The following DIS3L variants were observed in gnomAD, a reference collection of about 807,000 sequenced individuals.
DIS3L encodes DIS3 like exosome 3'-5' exoribonuclease.
A neutral mutation model predicts 120.3 loss-of-function variants in DIS3L; 100 were observed. The ratio of observed to expected loss-of-function variants is 0.83; its 90% CI spans 0.71 to 0.98. DIS3L has a LOEUF of 0.98. Ranked by LOEUF, DIS3L falls within the 50% of genes least tolerant of loss-of-function variation. The pLI, the probability that DIS3L is intolerant of heterozygous loss-of-function variation, is 0.00. For missense variants in DIS3L, 1,196 were observed against 1,314.2 expected (o/e 0.91, Z 1.39); for synonymous variants, 426 against 470.6 (o/e 0.91, Z 1.23).
In DIS3L at chr15:66,306,860, G is replaced by A. The variant is rs78547934; in HGVS notation, c.330G>A (p.Ala110=). 5.0e-6 allele frequency: 8 copies of A among 1,613,978 alleles called. No individual in the cohort carries two copies. The highest frequency in any genetic ancestry group is 4.5e-5 in the East Asian group (2 of 44,898). ...YNKLRNLLKD[A]RHDCILFANE... Reference sequence around the variant, plus strand: ...AACTGCGAAACCTGCTGAAGGATGCGCGTCATGATTGCATTCTCTTTGCTA... The same window carrying A: ...AACTGCGAAACCTGCTGAAGGATGCACGTCATGATTGCATTCTCTTTGCTA... The change falls in exon 3 of 17, where the codon GCG becomes GCA. Residue 110 remains alanine, a synonymous_variant. Coordinates refer to ENST00000319212, the MANE Select transcript of DIS3L (RefSeq NM_001143688.3).
At position 66,322,887 on chromosome 15, in the gene DIS3L, A is replaced by G; in HGVS notation, c.1527A>G (p.Thr509=). 6.2e-7 allele frequency: 1 copy of G among 1,614,184 alleles called. No homozygotes were observed. The highest frequency in any genetic ancestry group is 2.2e-5 in the East Asian group (1 of 44,882). Reference sequence around the variant, plus strand: ...TTGGGGTCCACATCGCAGATGTAACACACTTTGTGGCACCAAATTCTTACA... The same window carrying G: ...TTGGGGTCCACATCGCAGATGTAACGCACTTTGTGGCACCAAATTCTTACA... ...LELGVHIADV[T]HFVAPNSYID... The change falls in exon 10 of 17, where the codon ACA becomes ACG. Residue 509 remains threonine, a synonymous_variant. Coordinates refer to ENST00000319212, the MANE Select transcript of DIS3L (RefSeq NM_001143688.3).
At chr15:66,313,960 T>C (rs1429807195) in intron 5 of DIS3L, 79 bp from the exon 6 acceptor site, 1 of 1,258,712 alleles carries the variant, frequency 7.9e-7, no homozygotes. Flanking sequence ...TTCACATAAT[T>C]TTAAAAACTG....
At chr15:66,322,539 T>C in intron 9 of DIS3L, 148 bp from the exon 10 acceptor site, 1 of 1,283,206 alleles carries the variant, frequency 7.8e-7, no homozygotes, top group South Asian at 1.4e-5. Context: ...AGTAAACAAT[T>C]ATTGATCAAA....
intron 4 of DIS3L, among the ~76,000 whole-genome samples, chr15:66,311,175 C>T (rs2092757261): frequency 6.6e-6 from 1 of 151,766 alleles, no homozygotes; most frequent in Non-Finnish European, 1.5e-5. Context: ...CCAGCCTGGG[C>T]AACATAGTGA....
At position 66,326,008 on chromosome 15, in the gene DIS3L, G is replaced by A. The variant is rs2092932123; in HGVS notation, c.1845G>A (p.Glu615=). Residue 615 remains glutamate, a synonymous_variant, in exon 12 of 17, where the codon GAG becomes GAA. Transcript: ENST00000319212. The part of the protein sequence containing the change: ...DDIPEFKDLD[E]KSRQAKLEEL... ...TTCCAGAATTCAAAGACTTGGATGAGAAGAGCAGACAAGCCAAGCTGGAGG... is the reference window on the plus strand; with the variant it reads ...TTCCAGAATTCAAAGACTTGGATGAAAAGAGCAGACAAGCCAAGCTGGAGG... 1 of 1,614,158 alleles carries A rather than the reference G, an allele frequency of 6.2e-7. No individual in the cohort carries two copies. Among genetic ancestry groups the A allele is most frequent in the African/African-American group, 1.3e-5 (1 of 75,036 alleles).
At position 66,332,822 on chromosome 15, in the gene DIS3L, C is replaced by T; in HGVS notation, c.2768C>T (p.Pro923Leu). The change falls in exon 16 of 17, where the codon CCA (proline) becomes CTA (leucine). Residue 923 changes from proline to leucine, a missense_variant. Transcript: ENST00000319212. ...CGPDSCSEWK[P>L]GSLQRFQNKI... ...CCAGATAGCTGTTCTGAATGGAAAC[C>T]AGGATCCCTTCAACGATTTCAAAAC... 1 of 1,613,896 alleles carries T rather than the reference C, an allele frequency of 6.2e-7. No homozygotes were observed. Among genetic ancestry groups the T allele is most frequent in the Non-Finnish European group, 8.5e-7 (1 of 1,179,942 alleles).
Position 66,322,945 on chromosome 15 carries a change from T to C in DIS3L, c.1574+11T>C. ...TGAAGCTAGAACAAGGTAATGCTAT[T>C]TGAAATCAGCTCTATGGTTGTGTGT... On this transcript the variant is annotated intron_variant, in intron 10 of 16. Transcript: ENST00000319212. The C allele has an allele frequency of 1.9e-6, 3 of 1,613,822 alleles. No individual in the cohort carries two copies. In the East Asian group the frequency reaches 6.7e-5, roughly 36 times the overall value.
intron 1 of DIS3L, 36 bp from the exon 2 acceptor site, chr15:66,294,952 A>G: frequency 6.4e-7 from 1 of 1,555,742 alleles, no homozygotes; most frequent in Non-Finnish European, 8.7e-7. Flanking sequence ...GTTTGAAAAC[A>G]TTGTCTAATC....
intron 6 of DIS3L, 32 bp from the exon 7 acceptor site, chr15:66,315,004 T>C (rs2092802131): frequency 1.2e-6 from 2 of 1,605,754 alleles, no homozygotes; most frequent in South Asian, 1.1e-5. Flanking sequence ...CCCTTGGCTT[T>C]ATGGGTTTTT....
chr15:66,295,027 T>C lies in DIS3L; in HGVS notation c.179T>C (p.Ile60Thr). The change falls in exon 2 of 17, where the codon ATC (isoleucine) becomes ACC (threonine). Residue 60 changes from isoleucine (I) to threonine (T), a missense_variant. Transcript: ENST00000319212. ...TCTAGTGATGTGACTCATTACGTGATCCCAGACTGGAAAGTTGTTCAAGAT... is the reference window on the plus strand; with the variant it reads ...TCTAGTGATGTGACTCATTACGTGACCCCAGACTGGAAAGTTGTTCAAGAT... The part of the protein sequence containing the change: ...LLSSDVTHYV[I>T]PDWKVVQDYL... 1.9e-6 allele frequency: 3 copies of C among 1,614,118 alleles called. No individual in the cohort carries two copies. Among genetic ancestry groups the C allele is most frequent in the Non-Finnish European group, 8.5e-7 (1 of 1,179,986 alleles).
chr15:66,313,942 G>A, intron 5 of DIS3L, 97 bp from the exon 6 acceptor site: 2 of 870,728 alleles, frequency 2.3e-6, no homozygotes, highest in South Asian at 1.7e-5. Flanking sequence ...GAATATTATG[G>A]GGATGTTTTC....
chr15:66,329,864 A>G lies in DIS3L; in HGVS notation c.2535+465A>G, dbSNP rs965300306. ...GAGGTGGAGATTGCAGTGGGCCGAG[A>G]TCACACCACTGCACTCTAGCCTGGG... On this transcript the variant is annotated intron_variant, in intron 14 of 16. Coordinates refer to ENST00000319212, the MANE Select transcript of DIS3L (RefSeq NM_001143688.3). The G allele has an allele frequency of 3.1e-5, 30 of 972,832 alleles. No homozygotes were observed. The African/African-American group carries it at 5.0e-4, about 16-fold the overall frequency. 60.3% of individuals were successfully genotyped at this position (972,832 alleles called of 1,614,324 possible).
intron 12 of DIS3L, among the ~76,000 whole-genome samples, chr15:66,328,335 C>A (rs1008836749): frequency 3.9e-5 from 6 of 152,030 alleles, no homozygotes; most frequent in African/African-American, 1.4e-4. Context: ...CAATATAGGA[C>A]TGAATTATAT....
At chr15:66,305,621 C>T (rs567856142) in intron 2 of DIS3L, among the ~76,000 whole-genome samples, 1 of 152,034 alleles carries the variant, frequency 6.6e-6, no homozygotes, top group East Asian at 1.9e-4. Context: ...GACTCCTGGG[C>T]TTAAAGGACC....
At chr15:66,307,070 C>T in intron 3 of DIS3L, 118 bp downstream of exon 3, 1 of 1,276,610 alleles carries the variant, frequency 7.8e-7, no homozygotes, top group Non-Finnish European at 1.1e-6. Flanking sequence ...TATTCTGGAA[C>T]CATGATTAAC....
intron 9 of DIS3L, 26 bp downstream of exon 9, chr15:66,320,758 C>T (rs369903476): frequency 1.3e-6 from 2 of 1,595,732 alleles, no homozygotes; most frequent in Non-Finnish European, 1.7e-6. Flanking sequence ...AGGCTTTGAT[C>T]TAGTGACATT....
chr15:66,326,530 T>A, intron 12 of DIS3L, 166 bp downstream of exon 12: 2 of 772,148 alleles, frequency 2.6e-6, no homozygotes, highest in Non-Finnish European at 4.0e-6. Flanking sequence ...CATTGTTATG[T>A]ATAGAGACTT....
In DIS3L at chr15:66,326,360, A is replaced by G. The variant is rs780383038; in HGVS notation, c.2197A>G (p.Thr733Ala). The G allele has an allele frequency of 6.2e-6, 10 of 1,613,592 alleles. No individual in the cohort carries two copies. Among genetic ancestry groups the G allele is most frequent in the South Asian group, 5.5e-5 (5 of 91,050 alleles). The stretch of plus-strand genomic sequence containing the variant: ...TAAAGCCAAAGGCTTCTTCATAGAT[A>G]CACGGTATTCCTCTTTTGAGGGGGC... ...CAKAKGFFID[T>A]RSNKTLADSL... Residue 733 changes from threonine to alanine, a missense_variant, in exon 12 of 17, where the codon ACA becomes GCA. Thr to Ala is a moderately conservative substitution (Grantham distance 58). Coordinates refer to ENST00000319212, the MANE Select transcript of DIS3L (RefSeq NM_001143688.3).
chr15:66,294,492 A>G lies in DIS3L; in HGVS notation c.140-496A>G, dbSNP rs1018021224. The G allele has an allele frequency of 7.1e-6, 7 of 986,506 alleles. No homozygotes were observed. In the African/African-American group the frequency reaches 1.0e-4, roughly 15 times the overall value. 61.1% of individuals were successfully genotyped at this position (986,506 alleles called of 1,614,324 possible). ...GCTTGGCTAACCAGCTCTCAGATGC[A>G]GGTCTGGTGGGAAACCTCACCTCTG... On this transcript the variant is annotated intron_variant, in intron 1 of 16. Transcript: ENST00000319212.
Sources: gnomAD v4.1 joint callset for allele counts (sites outside exome capture counted in the v4.1 genomes callset) on GRCh38, gnomAD v4.1.1 for gene constraint, MANE v1.5 for transcripts, NCBI Gene and HGNC (gene_info 2026-07-23, HGNC 2026-07-21) for gene names.